AAK1: variants seen among roughly 807,000 people sequenced by gnomAD.
The protein encoded by AAK1 is AP2-associated protein kinase 1.
A neutral mutation model predicts 116.0 loss-of-function variants in AAK1; 37 were observed. The observed-to-expected ratio is 0.32, with a 90% CI of 0.25 to 0.42. AAK1 has a LOEUF of 0.42. Ranked by LOEUF, AAK1 falls within the 10% of genes least tolerant of loss-of-function variation. The pLI is 1.00. For missense variants in AAK1, 919 were observed against 1,170.6 expected, an observed-to-expected ratio of 0.79 and a Z score of 3.14; for synonymous variants, 458 against 439.9, an observed-to-expected ratio of 1.04 and a Z score of -0.51.
chr2:69,635,732 T>C (rs1028480894), intron 2 of AAK1, among the ~76,000 whole-genome samples: 2 of 152,154 alleles, frequency 1.3e-5, no homozygotes, highest in African/African-American at 4.8e-5. Flanking sequence ...GTATTCAACG[T>C]AGTAAAAATC....
Position 69,530,808 on chromosome 2 carries a change from T to G in AAK1, c.657-102A>C, listed in dbSNP as rs80074662. 2.1e-3 allele frequency: 1,779 copies of G among 834,170 alleles called. 21 individuals carry two copies. The African/African-American group carries it at 0.027, about 13-fold the overall frequency. 51.7% of individuals were successfully genotyped at this position (834,170 alleles called of 1,614,324 possible). On this transcript the variant is annotated intron_variant, in intron 6 of 21. Transcript: ENST00000409085. ...TTTCTTTTTACATTAACAGAATCCC[T>G]GGGAGCAATCTGCAGAAGAGAGTAT...
intron 17 of AAK1, among the ~76,000 whole-genome samples, chr2:69,491,499 C>G (rs190034594): frequency 6.6e-6 from 1 of 152,282 alleles, no homozygotes; most frequent in Non-Finnish European, 1.5e-5. Flanking sequence ...AACCAACGAA[C>G]CAACCTACAA....
chr2:69,621,208 G>A (rs564922484), intron 2 of AAK1, among the ~76,000 whole-genome samples: 4 of 152,238 alleles, frequency 2.6e-5, no homozygotes, highest in South Asian at 2.1e-4. Context: ...TTGGTTGCGC[G>A]TGGTGGCTTG....
At chr2:69,518,241 T>C (rs192735240) in intron 12 of AAK1, among the ~76,000 whole-genome samples, 7 of 152,284 alleles carry the variant, frequency 4.6e-5, no homozygotes, top group East Asian at 1.9e-4. Flanking sequence ...TCTGTTAGTA[T>C]TGGATACTGA....
intron 17 of AAK1, among the ~76,000 whole-genome samples, chr2:69,494,977 C>A (rs1259634820): frequency 6.6e-6 from 1 of 152,128 alleles, no homozygotes; most frequent in African/African-American, 2.4e-5. Flanking sequence ...ATCGCAGTCA[C>A]TTCCAGTCTT....
chr2:69,492,507 C>T (rs1317112297), intron 17 of AAK1, among the ~76,000 whole-genome samples: 1 of 142,450 alleles, frequency 7.0e-6, no homozygotes. Flanking sequence ...AGCCACCGTG[C>T]CTGGCCAATT....
intron 2 of AAK1, among the ~76,000 whole-genome samples, chr2:69,563,057 C>T (rs2105099595): frequency 6.6e-6 from 1 of 152,266 alleles, no homozygotes; most frequent in East Asian, 1.9e-4. Context: ...GAGCGAGACC[C>T]TCCCTGTCTG....
In AAK1 at chr2:69,475,492, G is replaced by A. The variant is rs976017588; in HGVS notation, c.*377C>T. The A allele has an allele frequency of 4.5e-5, 46 of 1,023,700 alleles. 1 individual carries two copies. The highest frequency in any genetic ancestry group is 2.4e-4 in the South Asian group (6 of 25,046). 63.4% of individuals were successfully genotyped at this position (1,023,700 alleles called of 1,614,324 possible). A position where few individuals can be genotyped will look rare whatever the true frequency, so the allele number is the denominator to read the frequency against. On this transcript the variant is annotated 3_prime_UTR_variant, in exon 22 of 22. Transcript: ENST00000409085. ...ACGGGGGTTGGGAGAATTGATCTGG[G>A]AGGCCATTCCTAGCAAGAACGAGAC...
chr2:69,585,016 G>T (rs76101123), intron 2 of AAK1, among the ~76,000 whole-genome samples: 4,859 of 152,226 alleles, frequency 0.032, 118 homozygotes, highest in Non-Finnish European at 0.046. Context: ...CTACAGTGAA[G>T]AAAAGTCATC....
At chr2:69,540,045 C>A (rs1259214593) in intron 5 of AAK1, among the ~76,000 whole-genome samples, 1 of 151,960 alleles carries the variant, frequency 6.6e-6, no homozygotes, top group African/African-American at 2.4e-5. Context: ...TTGTCCCATC[C>A]CCACAGAATT....
chr2:69,465,334 A>G lies in AAK1; in HGVS notation c.*10535T>C. On this transcript the variant is annotated 3_prime_UTR_variant, in exon 22 of 22. Coordinates refer to ENST00000409085, the MANE Select transcript of AAK1 (RefSeq NM_014911.5). The stretch of plus-strand genomic sequence containing the variant: ...GGGAATTGAAATATAAGAACTGATA[A>G]TATTTCTTCTTCAGAAGGCTAAGCT... 1 of 1,108,636 alleles carries G rather than the reference A, an allele frequency of 9.0e-7. No individual in the cohort carries two copies. The highest frequency in any genetic ancestry group is 1.2e-6 in the Non-Finnish European group (1 of 866,796). 68.7% of individuals were successfully genotyped at this position (1,108,636 alleles called of 1,614,324 possible).
At chr2:69,543,292 G>A (rs550312028) in intron 4 of AAK1, among the ~76,000 whole-genome samples, 2 of 152,164 alleles carry the variant, frequency 1.3e-5, no homozygotes, top group African/African-American at 2.4e-5. Context: ...GGAAACAAAC[G>A]GTCAAGTTCA....
intron 17 of AAK1, among the ~76,000 whole-genome samples, chr2:69,487,054 C>G (rs1220541759): frequency 6.6e-6 from 1 of 152,190 alleles, no homozygotes; most frequent in Non-Finnish European, 1.5e-5. Context: ...AGAGAGCTAG[C>G]TGATACTAAG....
At chr2:69,513,218 TAAAG>T (rs1384875067) in intron 13 of AAK1, among the ~76,000 whole-genome samples, 5 of 152,206 alleles carry the variant, frequency 3.3e-5, no homozygotes, top group Admixed American at 1.3e-4. Context: ...AGCTAAGACT[TAAAG>T]AAGACAATCT....
chr2:69,583,711 G>T (rs1672640391), intron 2 of AAK1, among the ~76,000 whole-genome samples: 1 of 152,138 alleles, frequency 6.6e-6, no homozygotes, highest in Non-Finnish European at 1.5e-5. Context: ...CTTGATATGT[G>T]TACAATTTTT....
chr2:69,622,965 TGTGG>T (rs1674722985), intron 2 of AAK1, among the ~76,000 whole-genome samples: 1 of 147,220 alleles, frequency 6.8e-6, no homozygotes, highest in Admixed American at 6.7e-5. Flanking sequence ...ATCAGCAGAA[TGTGG>T]GTGGGGCCAA....
chr2:69,623,879 A>C (rs938812618), intron 2 of AAK1, among the ~76,000 whole-genome samples: 15 of 152,202 alleles, frequency 9.9e-5, no homozygotes, highest in African/African-American at 2.7e-4. Flanking sequence ...TAGAAAAAAA[A>C]CCCGCAATGT....
intron 2 of AAK1, among the ~76,000 whole-genome samples, chr2:69,573,798 G>A (rs1447003069): frequency 6.6e-6 from 1 of 151,900 alleles, no homozygotes; most frequent in African/African-American, 2.4e-5. Context: ...TCAGGAGTTC[G>A]AGACCAGCCT....
At chr2:69,515,374 T>G (rs1676541078) in intron 12 of AAK1, among the ~76,000 whole-genome samples, 3 of 152,118 alleles carry the variant, frequency 2.0e-5, no homozygotes, top group Admixed American at 6.6e-5. Context: ...CAGGCTGGGA[T>G]GTAGTGGTGC....
Sources: gnomAD v4.1 joint callset for allele counts (sites outside exome capture counted in the v4.1 genomes callset) on GRCh38, gnomAD v4.1.1 for gene constraint, MANE v1.5 for transcripts, NCBI Gene and HGNC (gene_info 2026-07-23, HGNC 2026-07-21) for gene names.